The following TRHDE variants were observed in gnomAD, a reference collection of about 807,000 sequenced individuals.
TRHDE encodes the protein thyrotropin-releasing hormone-degrading ectoenzyme.
In TRHDE, 72 loss-of-function variants were observed where a neutral mutation model predicts 125.7. That is an observed-to-expected ratio of 0.57 (90% CI 0.47 to 0.70). The LOEUF is 0.70. Among genes scored for constraint, TRHDE ranks in the 30% least tolerant of loss-of-function variants. TRHDE has a pLI of 0.00. For missense variants in TRHDE, 1,110 were observed against 1,327.1 expected (o/e 0.84, Z 2.54); for synonymous variants, 509 against 509.1 (o/e 1.00, Z 0.00).
intron 3 of TRHDE, among the ~76,000 whole-genome samples, chr12:72,378,706 T>C (rs1872011342): frequency 6.6e-6 from 1 of 152,194 alleles, no homozygotes; most frequent in Admixed American, 6.5e-5. Context: ...TTATAGTAAA[T>C]ACAATACAAA....
At chr12:72,456,596 C>A (rs918038954) in intron 3 of TRHDE, among the ~76,000 whole-genome samples, 1 of 151,966 alleles carries the variant, frequency 6.6e-6, no homozygotes, top group Non-Finnish European at 1.5e-5. Flanking sequence ...CCCTCATGCT[C>A]TATTAACTGT....
chr12:72,447,127 C>T (rs1875328881), intron 3 of TRHDE, among the ~76,000 whole-genome samples: 1 of 152,090 alleles, frequency 6.6e-6, no homozygotes, highest in African/African-American at 2.4e-5. Context: ...TAAAGCCCTC[C>T]TCAGCAAATG....
intron 13 of TRHDE, among the ~76,000 whole-genome samples, chr12:72,620,807 C>A (rs999856222): frequency 3.3e-5 from 5 of 151,916 alleles, no homozygotes; most frequent in Admixed American, 6.6e-5. Flanking sequence ...TATCAATATT[C>A]TTTGTTTTCC....
At chr12:72,215,483 A>T (rs890255877) in intron 2 of TRHDE, among the ~76,000 whole-genome samples, 13 of 152,328 alleles carry the variant, frequency 8.5e-5, no homozygotes, top group South Asian at 2.1e-4. Context: ...CCTACTTGCC[A>T]GTGATGGGAA....
chr12:72,346,877 C>T (rs114879949), intron 2 of TRHDE, among the ~76,000 whole-genome samples: 10 of 152,194 alleles, frequency 6.6e-5, no homozygotes, highest in African/African-American at 2.4e-4. Flanking sequence ...GTTAAGGTGT[C>T]AGCAAGGTAA....
In TRHDE at chr12:72,168,460, C is replaced by T. The variant is rs113764482; in HGVS notation, n.279+62708C>T. Among the ~76,000 whole-genome samples, 774 of 152,272 alleles carry T rather than the reference C, an allele frequency of 5.1e-3. 5 individuals are homozygous for T. Among genetic ancestry groups the T allele is most frequent in the African/African-American group, 0.017 (721 of 41,572 alleles). ...ATGGTTCTGGGGTCATCTGCTAAAG[C>T]TTTCTCATTTAGAATGTGACTCCCT... is the stretch of plus-strand genomic sequence containing the variant. On this transcript the variant is annotated intron_variant and non_coding_transcript_variant, in intron 2 of 4. Transcript: ENST00000548156.
chr12:72,204,519 T>C (rs752662395), intron 2 of TRHDE, among the ~76,000 whole-genome samples: 5 of 152,204 alleles, frequency 3.3e-5, no homozygotes, highest in Non-Finnish European at 7.3e-5. Flanking sequence ...TTTTTCCTAC[T>C]AGTCAAATTC....
At chr12:72,464,387 T>C (rs1005395467) in intron 3 of TRHDE, among the ~76,000 whole-genome samples, 7 of 152,336 alleles carry the variant, frequency 4.6e-5, no homozygotes, top group South Asian at 2.1e-4. Flanking sequence ...GCAGGTTTGA[T>C]GTCTGGTAGG....
intron 3 of TRHDE, among the ~76,000 whole-genome samples, chr12:72,447,909 C>T (rs1278073378): frequency 6.6e-6 from 1 of 151,944 alleles, no homozygotes; most frequent in Non-Finnish European, 1.5e-5. Context: ...TTCAATAGCT[C>T]TCTTGTCAGA....
intron 3 of TRHDE, among the ~76,000 whole-genome samples, chr12:72,412,998 G>A (rs1339965520): frequency 6.6e-6 from 1 of 151,998 alleles, no homozygotes; most frequent in Non-Finnish European, 1.5e-5. Flanking sequence ...CATTGGTTAT[G>A]AAGTGGTTTA....
At position 72,627,694 on chromosome 12, in the gene TRHDE, T is replaced by C. The variant is rs564636874; in HGVS notation, c.2675+5943T>C. 2.6e-5 allele frequency among the ~76,000 whole-genome samples: 4 copies of C among 151,950 alleles called. No homozygotes were observed. In the East Asian group the frequency reaches 7.8e-4, roughly 29 times the overall value. On this transcript the variant is annotated intron_variant, in intron 15 of 18. Transcript: ENST00000261180. ...CTGGTTAATAGTCAACTTGACTTTC[T>C]TTTTTTAAAAAAACGAGATCTCGTT...
chr12:72,561,270 A>G (rs1870163080), intron 7 of TRHDE, among the ~76,000 whole-genome samples: 1 of 152,178 alleles, frequency 6.6e-6, no homozygotes, highest in Admixed American at 6.5e-5. Flanking sequence ...AAAAGTACTG[A>G]AGGAGTCAGC....
chr12:72,137,989 A>T (rs945203265), intron 2 of TRHDE, among the ~76,000 whole-genome samples: 15 of 152,236 alleles, frequency 9.9e-5, no homozygotes, highest in African/African-American at 3.4e-4. Context: ...ACATAGAATC[A>T]CCTGGAAGAG....
intron 6 of TRHDE, among the ~76,000 whole-genome samples, chr12:72,513,348 C>T (rs1462402812): frequency 6.6e-6 from 1 of 152,064 alleles, no homozygotes; most frequent in East Asian, 1.9e-4. Context: ...AACAAAGACA[C>T]CCTTTCTCTT....
At chr12:72,635,815 A>G (rs1309538194) in intron 15 of TRHDE, among the ~76,000 whole-genome samples, 1 of 152,094 alleles carries the variant, frequency 6.6e-6, no homozygotes, top group Non-Finnish European at 1.5e-5. Flanking sequence ...ATAGTTGTAG[A>G]TATGCAGCAT....
intron 7 of TRHDE, 24 bp from the exon 8 acceptor site, chr12:72,562,141 A>C (rs763182836): frequency 1.7e-6 from 2 of 1,204,818 alleles, no homozygotes; most frequent in South Asian, 1.3e-5. Flanking sequence ...TTTGAATTAC[A>C]ATTACAATTT....
intron 12 of TRHDE, among the ~76,000 whole-genome samples, chr12:72,590,773 T>G (rs1871639995): frequency 6.6e-6 from 1 of 152,222 alleles, no homozygotes; most frequent in Non-Finnish European, 1.5e-5. Context: ...TCACAATCTC[T>G]GCCTTTTCAT....
chr12:72,127,462 T>C (rs1373940018), intron 2 of TRHDE, among the ~76,000 whole-genome samples: 2 of 152,166 alleles, frequency 1.3e-5, no homozygotes, highest in Non-Finnish European at 2.9e-5. Context: ...GTGGATTGGA[T>C]GAAGAAATGT....
At chr12:72,594,941 G>T (rs886576687) in intron 12 of TRHDE, among the ~76,000 whole-genome samples, 2 of 151,786 alleles carry the variant, frequency 1.3e-5, no homozygotes, top group South Asian at 4.2e-4. Context: ...CCATAAAAAA[G>T]GATGAGTTCA....
Sources: gnomAD v4.1 joint callset for allele counts (sites outside exome capture counted in the v4.1 genomes callset) on GRCh38, gnomAD v4.1.1 for gene constraint, MANE v1.5 for transcripts, NCBI Gene and HGNC (gene_info 2026-07-23, HGNC 2026-07-21) for gene names.